The following C12orf42 variants were observed in gnomAD, a reference collection of about 807,000 sequenced individuals.
C12orf42 encodes the protein uncharacterized protein C12orf42.
In C12orf42, 25 loss-of-function variants were observed where a neutral mutation model predicts 21.6. The ratio of observed to expected loss-of-function variants is 1.16; its 90% confidence interval spans 0.84 to 1.62. C12orf42 has a LOEUF of 1.62. Ranked by LOEUF, C12orf42 falls within the 40% of genes most tolerant of loss-of-function variation. The pLI is 0.00. For missense variants in C12orf42, 483 were observed against 459.3 expected, an observed-to-expected ratio of 1.05 and a Z score of -0.47; for synonymous variants, 174 against 175.0, an observed-to-expected ratio of 0.99 and a Z score of 0.05.
At chr12:103,335,910 A>T (rs2137131986) in intron 4 of C12orf42, among the ~76,000 whole-genome samples, 1 of 152,276 alleles carries the variant, frequency 6.6e-6, no homozygotes, top group Non-Finnish European at 1.5e-5. Flanking sequence ...TTTATATTTG[A>T]CTCAATTAGA....
intron 4 of C12orf42, among the ~76,000 whole-genome samples, chr12:103,322,120 C>A: frequency 1.1e-5 from 1 of 95,140 alleles, no homozygotes; most frequent in South Asian, 3.7e-4. Context: ...CGTGCGCGCG[C>A]GCGCGCACAC....
chr12:103,511,193 C>T, the C12orf42 span, among the ~76,000 whole-genome samples: 2 of 152,126 alleles, frequency 1.3e-5, no homozygotes, highest in African/African-American at 2.4e-5. Flanking sequence ...GTATACATTA[C>T]ATACACACAG....
At chr12:103,217,267 C>G in the C12orf42 span, among the ~76,000 whole-genome samples, 2 of 152,262 alleles carry the variant, frequency 1.3e-5, no homozygotes, top group South Asian at 4.1e-4. Flanking sequence ...CACCTGTAAT[C>G]TCAGCATTTT....
chr12:103,284,246 G>C (rs1455054762), intron 4 of C12orf42, among the ~76,000 whole-genome samples: 1 of 152,060 alleles, frequency 6.6e-6, no homozygotes. Flanking sequence ...GTTTATATTT[G>C]GAAGCACAGA....
the C12orf42 span, among the ~76,000 whole-genome samples, chr12:103,232,554 C>T: frequency 6.6e-6 from 1 of 151,708 alleles, no homozygotes; most frequent in South Asian, 2.1e-4. Context: ...ACTAAAAATA[C>T]AAAAAAATTA....
the C12orf42 span, among the ~76,000 whole-genome samples, chr12:103,071,681 T>C: frequency 7.2e-5 from 11 of 152,138 alleles, no homozygotes; most frequent in African/African-American, 2.7e-4. Context: ...CTTGCTGCCA[T>C]GTAAGATGTG....
At chr12:103,119,362 G>A in the C12orf42 span, among the ~76,000 whole-genome samples, 1 of 152,186 alleles carries the variant, frequency 6.6e-6, no homozygotes, top group Non-Finnish European at 1.5e-5. Context: ...CCACTCAATA[G>A]CTGTTGATTA....
chr12:103,100,987 G>T, the C12orf42 span, among the ~76,000 whole-genome samples: 1 of 152,114 alleles, frequency 6.6e-6, no homozygotes, highest in Non-Finnish European at 1.5e-5. Flanking sequence ...GAAAGAGTGA[G>T]AGACTTTGAT....
the C12orf42 span, among the ~76,000 whole-genome samples, chr12:103,059,061 A>G: frequency 6.6e-6 from 1 of 152,158 alleles, no homozygotes; most frequent in Non-Finnish European, 1.5e-5. Context: ...AAAAATTAAC[A>G]AAGTAGATAG....
At chr12:103,120,524 G>A in the C12orf42 span, among the ~76,000 whole-genome samples, 1 of 151,946 alleles carries the variant, frequency 6.6e-6, no homozygotes, top group South Asian at 2.1e-4. Flanking sequence ...GAAAGAGGAG[G>A]GAGATACCGG....
chr12:103,296,242 TTTTC>T (rs1235282618), intron 4 of C12orf42, among the ~76,000 whole-genome samples: 1 of 152,020 alleles, frequency 6.6e-6, no homozygotes, highest in African/African-American at 2.4e-5. Context: ...ATGTGCCACA[TTTTC>T]TTAATTCAGT....
At chr12:103,562,162 C>T in the C12orf42 span, among the ~76,000 whole-genome samples, 1 of 152,194 alleles carries the variant, frequency 6.6e-6, no homozygotes, top group Admixed American at 6.5e-5. Flanking sequence ...CACCTTTTTA[C>T]AGTTTCCAGG....
the C12orf42 span, among the ~76,000 whole-genome samples, chr12:103,513,244 A>G: frequency 6.6e-6 from 1 of 152,158 alleles, no homozygotes; most frequent in African/African-American, 2.4e-5. Context: ...CCTAGGGAAA[A>G]AGAACTCTCT....
chr12:103,332,206 A>C (rs1365006506), intron 4 of C12orf42, among the ~76,000 whole-genome samples: 1 of 152,214 alleles, frequency 6.6e-6, no homozygotes, highest in South Asian at 2.1e-4. Flanking sequence ...GACACACACT[A>C]GCATGCTTAA....
At chr12:103,246,484 G>A (rs1308981361) in intron 10 of C12orf42, among the ~76,000 whole-genome samples, 1 of 151,950 alleles carries the variant, frequency 6.6e-6, no homozygotes, top group African/African-American at 2.4e-5. Flanking sequence ...ATGATCTTAT[G>A]CCATATGACT....
the C12orf42 span, among the ~76,000 whole-genome samples, chr12:103,060,004 T>G: frequency 6.6e-6 from 1 of 152,026 alleles, no homozygotes; most frequent in Admixed American, 6.5e-5. Flanking sequence ...GAGAAAGAAA[T>G]AAAGCATTTT....
chr12:103,354,580 C>G (rs946429649), intron 4 of C12orf42, among the ~76,000 whole-genome samples: 3 of 152,112 alleles, frequency 2.0e-5, no homozygotes, highest in Non-Finnish European at 2.9e-5. Flanking sequence ...TAGCTGCCTC[C>G]AGTACCCAGA....
chr12:103,148,729 A>G, the C12orf42 span, among the ~76,000 whole-genome samples: 1 of 152,184 alleles, frequency 6.6e-6, no homozygotes, highest in Non-Finnish European at 1.5e-5. Context: ...ACATTTAAAC[A>G]CCTAACTGTG....
chr12:103,131,378 C>A, the C12orf42 span, among the ~76,000 whole-genome samples: 2 of 152,142 alleles, frequency 1.3e-5, no homozygotes, highest in South Asian at 4.1e-4. Context: ...CTATATTTCT[C>A]TAATCAATTG....
Sources: gnomAD v4.1 joint callset for allele counts (sites outside exome capture counted in the v4.1 genomes callset) on GRCh38, gnomAD v4.1.1 for gene constraint, MANE v1.5 for transcripts, NCBI Gene and HGNC (gene_info 2026-07-23, HGNC 2026-07-21) for gene names.